The following KCTD2 variants were observed in gnomAD, a reference collection of about 807,000 sequenced individuals.
KCTD2 encodes the protein potassium channel tetramerization domain containing 2.
In KCTD2, 18 loss-of-function variants were observed where a neutral mutation model predicts 27.9. The ratio of observed to expected loss-of-function variants is 0.64; its 90% confidence interval spans 0.45 to 0.96. The LOEUF is 0.96. Ranked by LOEUF, KCTD2 falls within the 40% of genes least tolerant of loss-of-function variation. The probability of loss-of-function intolerance (pLI) is 0.00; values close to 1 mark genes in which losing one functional copy is unlikely to be tolerated. For missense variants in KCTD2, 280 were observed against 348.0 expected (o/e 0.80, Z 1.56); for synonymous variants, 175 against 148.4 (o/e 1.18, Z -1.30).
intron 3 of KCTD2, among the ~76,000 whole-genome samples, chr17:75,036,455 C>A (rs895773761): frequency 2.0e-5 from 3 of 152,176 alleles, no homozygotes; most frequent in African/African-American, 7.2e-5. Context: ...AATGCATGTA[C>A]AACGCAAAAA....
chr17:75,061,641 C>A (rs1478982284), intron 4 of KCTD2, among the ~76,000 whole-genome samples: 1 of 152,072 alleles, frequency 6.6e-6, no homozygotes, highest in Non-Finnish European at 1.5e-5. Context: ...CAGAGCTAGA[C>A]CCTGTCTGGA....
intron 3 of KCTD2, chr17:75,039,698 C>T (rs4435292): frequency 0.27 from 69,107 of 259,842 alleles, 10,739 homozygotes; most frequent in Admixed American, 0.39. Flanking sequence ...CTAATTCCAA[C>T]TCCTTGTTTC....
intron 3 of KCTD2, among the ~76,000 whole-genome samples, chr17:75,057,369 C>T (rs9911825): frequency 0.11 from 16,338 of 152,038 alleles, 1,661 homozygotes; most frequent in African/African-American, 0.27. Flanking sequence ...TCTTAAATAC[C>T]TGGGACTTTG....
chr17:75,053,077 T>A lies in KCTD2; in HGVS notation c.512T>A (p.Ile171Lys), dbSNP rs780889216. The A allele has an allele frequency of 6.2e-7, 1 of 1,613,968 alleles. No individual in the cohort carries two copies. The change falls in exon 3 of 6, where the codon ATA becomes AAA. Residue 171 changes from isoleucine to lysine, a missense_variant. Physicochemically the swap from Ile to Lys is moderately radical, Grantham distance 102. Coordinates refer to ENST00000322444, the MANE Select transcript of KCTD2 (RefSeq NM_015353.3). ...ASLVRLVKER[I>K]RDNENRTSQG... is the part of the protein sequence containing the mutation. ...CTTGTGCGGCTGGTTAAGGAAAGGA[T>A]ACGGGACAATGAGAACAGAACTTCA... is the stretch of plus-strand genomic sequence containing the variant.
chr17:75,047,080 G>A (rs369669167), upstream of KCTD2: 1 of 274,070 alleles, frequency 3.6e-6, no homozygotes. Context: ...GTATCTTCCC[G>A]GGGGCGGGCA....
At chr17:75,049,436 T>C in intron 2 of KCTD2, 108 bp downstream of exon 2, 1 of 696,784 alleles carries the variant, frequency 1.4e-6, no homozygotes, top group Non-Finnish European at 2.5e-6. Flanking sequence ...CATGTGCAGG[T>C]ATAGTTTCAG....
chr17:75,045,961 A>G (rs576689077), upstream of KCTD2, among the ~76,000 whole-genome samples: 4 of 152,344 alleles, frequency 2.6e-5, no homozygotes, highest in South Asian at 8.3e-4. Flanking sequence ...AATTTGGGGA[A>G]CTAATAAATG....
At chr17:75,035,598 A>T (rs2040108420) in intron 3 of KCTD2, among the ~76,000 whole-genome samples, 1 of 152,140 alleles carries the variant, frequency 6.6e-6, no homozygotes, top group Non-Finnish European at 1.5e-5. Context: ...AGGCGGGCGG[A>T]TCACGAGGTC....
chr17:75,045,144 C>T (rs527801827), upstream of KCTD2, among the ~76,000 whole-genome samples: 19 of 152,190 alleles, frequency 1.2e-4, no homozygotes, highest in South Asian at 3.7e-3. Context: ...CGTGATGCCC[C>T]ACAAGCCACA....
At chr17:75,040,055 G>C (rs2073143224) in intron 3 of KCTD2, 9 of 1,609,494 alleles carry the variant, frequency 5.6e-6, no homozygotes, top group Non-Finnish European at 7.7e-6. Flanking sequence ...TCAAGATCAA[G>C]AGAATTTTAG....
At chr17:75,059,762 A>C (rs1180214246) in intron 4 of KCTD2, among the ~76,000 whole-genome samples, 157 bp downstream of exon 4, 1 of 152,206 alleles carries the variant, frequency 6.6e-6, no homozygotes, top group East Asian at 1.9e-4. Flanking sequence ...TTTGGTGGGC[A>C]CTGCTGGCCT....
chr17:75,053,120 A>G lies in KCTD2; in HGVS notation c.540+15A>G. On this transcript the variant is annotated intron_variant, in intron 3 of 5. Coordinates refer to ENST00000322444, the MANE Select transcript of KCTD2 (RefSeq NM_015353.3). ...GAACTTCACAAGTAATGTATTTGGAACTGTTAAGGAGGGTTGTTTCAAGTG... is the reference window on the plus strand; with the variant it reads ...GAACTTCACAAGTAATGTATTTGGAGCTGTTAAGGAGGGTTGTTTCAAGTG... 6.3e-7 allele frequency: 1 copy of G among 1,596,226 alleles called. No homozygotes were observed.
upstream of KCTD2, among the ~76,000 whole-genome samples, chr17:75,043,468 C>A (rs541514852): frequency 6.6e-6 from 1 of 152,042 alleles, no homozygotes; most frequent in Admixed American, 6.6e-5. Context: ...CAAAAATTAG[C>A]CGGGCGTGAT....
intron 3 of KCTD2, chr17:75,038,929 A>G: frequency 1.2e-6 from 2 of 1,612,162 alleles, no homozygotes; most frequent in Admixed American, 1.7e-5. Flanking sequence ...CCTGGACTCA[A>G]TTTTATAAAT....
upstream of KCTD2, chr17:75,042,240 A>G (rs2073168647): frequency 2.5e-6 from 4 of 1,614,216 alleles, no homozygotes; most frequent in Non-Finnish European, 3.4e-6. Context: ...TAGTAAGCCC[A>G]GTCGATAGCT....
upstream of KCTD2, among the ~76,000 whole-genome samples, chr17:75,045,290 C>G (rs1469703133): frequency 6.6e-6 from 1 of 152,180 alleles, no homozygotes; most frequent in Admixed American, 6.5e-5. Context: ...ATCACAAGAC[C>G]ACAGGACCAG....
upstream of KCTD2, among the ~76,000 whole-genome samples, chr17:75,045,338 T>C (rs571289329): frequency 2.6e-5 from 4 of 152,350 alleles, no homozygotes; most frequent in Non-Finnish European, 2.9e-5. Context: ...TTGGGCACCA[T>C]TGTCATTGAT....
At chr17:75,039,161 TGAAA>T in intron 3 of KCTD2, 1 of 1,612,578 alleles carries the variant, frequency 6.2e-7, no homozygotes, top group Non-Finnish European at 8.5e-7. Flanking sequence ...TGTGTGGTCA[TGAAA>T]GAGAGAACCC....
chr17:75,062,897 C>T, intron 5 of KCTD2, 121 bp from the exon 6 acceptor site: 3 of 1,051,394 alleles, frequency 2.9e-6, no homozygotes, highest in Non-Finnish European at 4.4e-6. Flanking sequence ...GGCTGCACCC[C>T]TGCTTGCTTC....
Sources: gnomAD v4.1 joint callset for allele counts (sites outside exome capture counted in the v4.1 genomes callset) on GRCh38, gnomAD v4.1.1 for gene constraint, MANE v1.5 for transcripts, NCBI Gene and HGNC (gene_info 2026-07-23, HGNC 2026-07-21) for gene names.